Variants in PLSCR2 observed in about 807,000 individuals in gnomAD.
PLSCR2 encodes PL scramblase 2.
PLSCR2 carries 18 observed loss-of-function variants against 25.3 expected under a neutral mutation model. The observed-to-expected ratio is 0.71, with a 90% confidence interval of 0.49 to 1.06. PLSCR2 has a LOEUF of 1.06. PLSCR2 is among the 50% of genes least tolerant of loss of function. The pLI is 0.00. For missense variants in PLSCR2, 243 were observed against 269.5 expected (o/e 0.90, Z 0.69); for synonymous variants, 88 against 87.3 (o/e 1.01, Z -0.04).
intron 3 of PLSCR2, among the ~76,000 whole-genome samples, chr3:146,392,532 A>G (rs1285279904): frequency 2.0e-5 from 3 of 151,746 alleles, no homozygotes; most frequent in Non-Finnish European, 4.4e-5. Context: ...AGTATTTGAT[A>G]TTTTTCTTAA....
downstream of PLSCR2, among the ~76,000 whole-genome samples, chr3:146,428,607 AC>A (rs1316193291): frequency 2.0e-5 from 3 of 152,076 alleles, no homozygotes; most frequent in African/African-American, 7.2e-5. Context: ...CTGAGTTCAA[AC>A]CCTATATTGT....
intron 1 of PLSCR2, among the ~76,000 whole-genome samples, chr3:146,476,093 G>T (rs2042273430): frequency 6.6e-6 from 1 of 151,644 alleles, no homozygotes; most frequent in Non-Finnish European, 1.5e-5. Context: ...GGGCGCCGGG[G>T]GGTGCACTGG....
chr3:146,420,300 A>G (rs2039104630), intron 2 of PLSCR2, among the ~76,000 whole-genome samples: 1 of 152,108 alleles, frequency 6.6e-6, no homozygotes, highest in African/African-American at 2.4e-5. Context: ...AAATCAAAAT[A>G]TAGCATCTAT....
downstream of PLSCR2, among the ~76,000 whole-genome samples, chr3:146,430,746 C>A (rs761550106): frequency 6.6e-6 from 1 of 151,960 alleles, no homozygotes; most frequent in East Asian, 1.9e-4. Flanking sequence ...TACACTTTCA[C>A]TTCCCCCCAC....
intron 2 of PLSCR2, among the ~76,000 whole-genome samples, chr3:146,426,348 G>A (rs1310942263): frequency 6.7e-6 from 1 of 150,182 alleles, no homozygotes; most frequent in Non-Finnish European, 1.5e-5. Context: ...ATATGAAAAT[G>A]TCTGATTATT....
At chr3:146,455,305 T>C (rs749468490) in exon 4 of PLSCR2, 2 of 1,614,090 alleles carry the variant, frequency 1.2e-6, no homozygotes, top group Non-Finnish European at 1.7e-6. Flanking sequence ...TTATGACTTC[T>C]CGACCCACAT....
chr3:146,478,184 C>A (rs1426540426), intron 1 of PLSCR2, among the ~76,000 whole-genome samples: 1 of 152,194 alleles, frequency 6.6e-6, no homozygotes, highest in Non-Finnish European at 1.5e-5. Context: ...CCCTTCTCCT[C>A]CAAAGGATCG....
rs374548504 is a variant in PLSCR2, at chr3:146,392,824, C to T, written c.*146-1262G>A. Among the ~76,000 whole-genome samples, 393 of 144,548 alleles carry T rather than the reference C, an allele frequency of 2.7e-3. 5 individuals are homozygous for T. Among genetic ancestry groups the T allele is most frequent in the African/African-American group, 8.1e-3 (323 of 39,738 alleles). 94.8% of individuals were successfully genotyped at this position (144,548 alleles called of 152,430 possible). ...TGTTTGCTTAATGGTTCAATATCTC[C>T]TTCATTATGCTTCCTTGGGTTTATT... is the stretch of plus-strand genomic sequence containing the variant. On this transcript the variant is annotated intron_variant and NMD_transcript_variant, in intron 3 of 3. Transcript: ENST00000463633.
intron 1 of PLSCR2, among the ~76,000 whole-genome samples, chr3:146,475,919 T>C (rs1222493294): frequency 2.0e-5 from 3 of 151,550 alleles, no homozygotes; most frequent in Non-Finnish European, 4.4e-5. Flanking sequence ...TTTTCAGGAG[T>C]ATGTCAGAAC....
intron 5 of PLSCR2, among the ~76,000 whole-genome samples, chr3:146,451,690 C>T (rs1424886152): frequency 6.6e-6 from 1 of 152,110 alleles, no homozygotes; most frequent in Non-Finnish European, 1.5e-5. Context: ...CAGTCCTGTC[C>T]CCATCCTCCG....
chr3:146,439,291 C>A (rs1382231465), downstream of PLSCR2, among the ~76,000 whole-genome samples: 1 of 152,140 alleles, frequency 6.6e-6, no homozygotes, highest in Non-Finnish European at 1.5e-5. Context: ...TTGTGGCATT[C>A]TCTGTATTTC....
intron 1 of PLSCR2, among the ~76,000 whole-genome samples, chr3:146,490,857 A>C (rs1332050735): frequency 1.3e-5 from 2 of 152,024 alleles, no homozygotes; most frequent in African/African-American, 4.8e-5. Flanking sequence ...TTCAAAATCA[A>C]TATCGATATG....
chr3:146,489,490 G>T (rs1327170152), intron 1 of PLSCR2, among the ~76,000 whole-genome samples: 1 of 151,966 alleles, frequency 6.6e-6, no homozygotes, highest in Non-Finnish European at 1.5e-5. Flanking sequence ...TTTTAGAGAG[G>T]TCCAATCATG....
intron 2 of PLSCR2, among the ~76,000 whole-genome samples, chr3:146,403,385 G>A (rs12629420): frequency 7.9e-4 from 120 of 152,024 alleles, no homozygotes; most frequent in African/African-American, 2.8e-3. Context: ...TTGACGCCAA[G>A]CTGTGGATTT....
At chr3:146,493,914 G>A (rs923033114) in intron 1 of PLSCR2, among the ~76,000 whole-genome samples, 2 of 149,636 alleles carry the variant, frequency 1.3e-5, no homozygotes, top group Non-Finnish European at 3.0e-5. Context: ...ATATGTTTAT[G>A]GTTTTGGGGA....
intron 3 of PLSCR2, among the ~76,000 whole-genome samples, chr3:146,456,444 GA>G (rs1305619107): frequency 1.3e-4 from 20 of 152,094 alleles, no homozygotes; most frequent in African/African-American, 4.8e-4. Flanking sequence ...ATCTGCTGTA[GA>G]CAAAAGTTTG....
rs1316984727 is a variant in PLSCR2, at chr3:146,459,714, T to C, written c.57+134A>G. 3 of 635,194 alleles carry C rather than the reference T, an allele frequency of 4.7e-6. No individual in the cohort carries two copies. The Admixed American group carries it at 9.7e-5, about 21-fold the overall frequency. The allele number at this position is 635,194 out of a possible 1,614,324, so 39.3% of individuals were successfully genotyped here. ...CTAGTGATTTGTTAACAGAATGTGC[T>C]GTTTACCATTTCTGACTTTAATTAA... On this transcript the variant is annotated intron_variant, in intron 2 of 6. Coordinates refer to ENST00000610787, the Ensembl canonical transcript of PLSCR2.
At position 146,459,896 on chromosome 3, in the gene PLSCR2, T is replaced by C. The variant is rs1429588554; in HGVS notation, c.9A>G (p.Ala3=). ...GCGGACAGTTTAATGGTGGTGGTGG[T>C]GCTGGCATCCATGGTACCCCTTCAG... The change falls in exon 2 of 7, where the codon GCA becomes GCG. Residue 3 remains alanine (A), a synonymous_variant. Coordinates refer to ENST00000610787, the Ensembl canonical transcript of PLSCR2. 6 of 1,613,946 alleles carry C rather than the reference T, an allele frequency of 3.7e-6. No individual in the cohort carries two copies. The East Asian group carries it at 1.3e-4, about 36-fold the overall frequency.
At chr3:146,484,850 A>G (rs1486942895) in intron 1 of PLSCR2, among the ~76,000 whole-genome samples, 1 of 152,158 alleles carries the variant, frequency 6.6e-6, no homozygotes, top group Admixed American at 6.5e-5. Context: ...CAAAAGATAA[A>G]GACCAATGAC....
Sources: gnomAD v4.1 joint callset for allele counts (sites outside exome capture counted in the v4.1 genomes callset) on GRCh38, gnomAD v4.1.1 for gene constraint, MANE v1.5 for transcripts, NCBI Gene and HGNC (gene_info 2026-07-23, HGNC 2026-07-21) for gene names.